The following B4GALNT3 variants were observed in gnomAD, a reference collection of about 807,000 sequenced individuals.
The protein encoded by B4GALNT3 is beta-1,4-N-acetyl-galactosaminyltransferase 3.
In B4GALNT3, 86 loss-of-function variants were observed where a neutral mutation model predicts 120.2. That is an observed-to-expected ratio of 0.72 (90% CI 0.60 to 0.86). The LOEUF is 0.86. B4GALNT3 is among the 40% of genes least tolerant of loss of function. The probability of loss-of-function intolerance (pLI) is 0.00; values close to 1 mark genes in which losing one functional copy is unlikely to be tolerated. For synonymous variants in B4GALNT3, 518 were observed against 510.4 expected (o/e 1.01, Z -0.20); for missense variants, 1,167 against 1,298.9 (o/e 0.90, Z 1.56).
chr12:528,540 C>T (rs1031117160), intron 1 of B4GALNT3, among the ~76,000 whole-genome samples: 5 of 152,230 alleles, frequency 3.3e-5, no homozygotes, highest in Non-Finnish European at 5.9e-5. Flanking sequence ...CCTGGCGCAT[C>T]GTGTACTAGA....
At chr12:535,295 C>T in intron 2 of B4GALNT3, 26 bp downstream of exon 2, 1 of 1,594,264 alleles carries the variant, frequency 6.3e-7, no homozygotes, top group Non-Finnish European at 8.6e-7. Flanking sequence ...GTCCATTGTC[C>T]CTGCTGATGC....
chr12:465,310 T>C (rs995567914), intron 1 of B4GALNT3, among the ~76,000 whole-genome samples: 1 of 152,204 alleles, frequency 6.6e-6, no homozygotes, highest in Non-Finnish European at 1.5e-5. Context: ...GGGCACATAC[T>C]AGGCGCTCAG....
At chr12:536,122 C>G in intron 2 of B4GALNT3, 96 bp from the exon 3 acceptor site, 1 of 952,978 alleles carries the variant, frequency 1.0e-6, no homozygotes, top group Admixed American at 1.8e-5. Flanking sequence ...GTGCTCCGAG[C>G]CGACGCCTCC....
chr12:510,499 A>AGGGCTGGG (rs772676193), intron 1 of B4GALNT3, among the ~76,000 whole-genome samples: 1 of 146,816 alleles, frequency 6.8e-6, no homozygotes. Context: ...CTGGGAGGGA[A>AGGGCTGGG]ACGGGCCCTT....
rs1947234328 is a variant in B4GALNT3, at chr12:561,707, G to A, written c.*256G>A. ...GGACCACTTGCTCAGTCGAGAACGG[G>A]AAGAGCTCCTGAGAAGGACGGGTCA... On this transcript the variant is annotated 3_prime_UTR_variant, in exon 20 of 20. Coordinates refer to ENST00000266383, the MANE Select transcript of B4GALNT3 (RefSeq NM_173593.4). 4 of 458,386 alleles carry A rather than the reference G, an allele frequency of 8.7e-6. No individual in the cohort carries two copies. The Admixed American group carries it at 1.1e-4, about 13-fold the overall frequency. 28.4% of individuals were successfully genotyped at this position (458,386 alleles called of 1,614,324 possible).
At chr12:525,073 A>C (rs1031140036) in intron 1 of B4GALNT3, among the ~76,000 whole-genome samples, 3 of 132,748 alleles carry the variant, frequency 2.3e-5, no homozygotes, top group Admixed American at 1.7e-4. Context: ...TAGCCTCTTC[A>C]TAAATAACAC....
chr12:504,637 G>A (rs952661406), intron 1 of B4GALNT3, among the ~76,000 whole-genome samples: 1 of 151,952 alleles, frequency 6.6e-6, no homozygotes, highest in Non-Finnish European at 1.5e-5. Flanking sequence ...TTTTAGCCCG[G>A]GAATTTGAGT....
chr12:516,497 G>A (rs1242559123), intron 1 of B4GALNT3, among the ~76,000 whole-genome samples: 1 of 152,194 alleles, frequency 6.6e-6, no homozygotes, highest in African/African-American at 2.4e-5. Flanking sequence ...TGAAATGGTG[G>A]TAAAGAGATA....
chr12:515,339 G>A (rs946815971), intron 1 of B4GALNT3, among the ~76,000 whole-genome samples: 2 of 151,966 alleles, frequency 1.3e-5, no homozygotes, highest in East Asian at 1.9e-4. Context: ...GGCTACAGGC[G>A]GGCACCACCA....
In B4GALNT3 at chr12:559,427, T is replaced by C; in HGVS notation, c.2888+6T>C. 6.2e-7 allele frequency: 1 copy of C among 1,613,280 alleles called. No homozygotes were observed. Among genetic ancestry groups the C allele is most frequent in the Non-Finnish European group, 8.5e-7 (1 of 1,179,480 alleles). ...GACTGGGAGCTGCTGGACAGGTGAC[T>C]GGGAAGAGGAGGGCATCCACGAGGC... On this transcript the variant is annotated splice_donor_region_variant and intron_variant, in intron 19 of 19. Transcript: ENST00000266383.
chr12:512,539 AACCTTCCACCTTCG>A (rs1369845417), intron 1 of B4GALNT3, among the ~76,000 whole-genome samples: 2 of 46,290 alleles, frequency 4.3e-5, no homozygotes, highest in Admixed American at 2.4e-4. Context: ...TTCCACCTTC[AACCTTCCACCTTCG>A]ACCTTCCACC....
rs1947034632 is a variant in B4GALNT3 at position 548,380 on chromosome 12, AG to A, written c.853+85del. On this transcript the variant is annotated intron_variant, in intron 9 of 19. Coordinates refer to ENST00000266383, the MANE Select transcript of B4GALNT3 (RefSeq NM_173593.4). The surrounding 1 kb of genome is among the most constrained non-coding windows in gnomAD (Gnocchi z 4.9). ...GGGGGATTTGGCAGGGGAGGAGGGG[AG>A]GAGGGGAGGAAGGAAGCTCGAGATG... 1 of 1,359,660 alleles carries A rather than the reference AG, an allele frequency of 7.4e-7. No individual in the cohort carries two copies. The highest frequency in any genetic ancestry group is 1.0e-6 in the Non-Finnish European group (1 of 955,714). The allele number at this position is 1,359,660 out of a possible 1,614,324, so 84.2% of individuals were successfully genotyped here. A position where few individuals can be genotyped will look rare whatever the true frequency, so the allele number is the denominator to read the frequency against.
At chr12:467,474 G>T (rs550166402) in intron 1 of B4GALNT3, among the ~76,000 whole-genome samples, 1 of 152,134 alleles carries the variant, frequency 6.6e-6, no homozygotes. Context: ...CACAAGAGTC[G>T]CTTGAACCTG....
intron 1 of B4GALNT3, among the ~76,000 whole-genome samples, chr12:506,584 A>G (rs1946498234): frequency 6.6e-6 from 1 of 152,150 alleles, no homozygotes. Context: ...TGATGCCTGT[A>G]CACATACACA....
chr12:484,893 A>C (rs183919885), intron 1 of B4GALNT3, among the ~76,000 whole-genome samples: 4 of 152,108 alleles, frequency 2.6e-5, no homozygotes, highest in Non-Finnish European at 2.9e-5. Flanking sequence ...TATGGTGTGA[A>C]TTCCGGTGTG....
At chr12:525,114 AT>A (rs1946748860) in intron 1 of B4GALNT3, among the ~76,000 whole-genome samples, 1 of 151,730 alleles carries the variant, frequency 6.6e-6, no homozygotes, top group African/African-American at 2.4e-5. Context: ...TTATTTATTT[AT>A]TTATTGTTGT....
intron 1 of B4GALNT3, among the ~76,000 whole-genome samples, chr12:506,671 C>G (rs924391938): frequency 2.0e-5 from 3 of 152,098 alleles, no homozygotes; most frequent in African/African-American, 4.8e-5. Flanking sequence ...GAGTCTCACT[C>G]TGTCACCCAG....
At chr12:503,875 G>A (rs910791259) in intron 1 of B4GALNT3, among the ~76,000 whole-genome samples, 45 of 152,310 alleles carry the variant, frequency 3.0e-4, no homozygotes, top group Admixed American at 1.4e-3. Context: ...AGCATTTTGG[G>A]TGGCTGAGGT....
At chr12:514,198 GTT>G (rs56697824) in intron 1 of B4GALNT3, among the ~76,000 whole-genome samples, 2,455 of 117,838 alleles carry the variant, frequency 0.021, 17 homozygotes, top group South Asian at 0.051. Context: ...GTCCGTTTTT[GTT>G]TTTTTTTTTT....
Sources: gnomAD v4.1 joint callset for allele counts (sites outside exome capture counted in the v4.1 genomes callset) on GRCh38, gnomAD v4.1.1 for gene constraint, Gnocchi (gnomAD v3.1) non-coding constraint, MANE v1.5 for transcripts, NCBI Gene and HGNC (gene_info 2026-07-23, HGNC 2026-07-21) for gene names.